PCGF3: variants seen among roughly 807,000 people sequenced by gnomAD.
The protein encoded by PCGF3 is polycomb group RING finger protein 3.
In PCGF3, 7 loss-of-function variants were observed where a neutral mutation model predicts 33.1. That is an observed-to-expected ratio of 0.21 (90% CI 0.12 to 0.40). The LOEUF (loss-of-function observed/expected upper bound fraction) is 0.40. PCGF3 is among the 10% of genes least tolerant of loss of function. PCGF3 has a pLI of 1.00. For synonymous variants in PCGF3, 153 were observed against 121.3 expected (o/e 1.26, Z -1.72); for missense variants, 211 against 313.3 (o/e 0.67, Z 2.46).
exon 11 of PCGF3, chr4:769,030 A>ATT (rs1194060705): frequency 1.3e-5 from 2 of 152,602 alleles, no homozygotes; most frequent in Non-Finnish European, 2.9e-5. Context: ...TTTCATTGTT[A>ATT]TTATTGTGAG....
chr4:721,421 A>C lies in PCGF3; in HGVS notation c.-189-9209A>C, dbSNP rs1452874840. Among the ~76,000 whole-genome samples, 1 of 151,844 alleles carries C rather than the reference A, an allele frequency of 6.6e-6. No homozygotes were observed. The highest frequency in any genetic ancestry group is 1.5e-5 in the Non-Finnish European group (1 of 67,934). ...GCTCTTCCTCCTGGCAGAGCTCCCC[A>C]GAGGAAGGCTGGGCTGGGCAGTCAG... On this transcript the variant is annotated intron_variant, in intron 1 of 10. Transcript: ENST00000362003. The surrounding 1 kb of genome is among the most constrained non-coding windows in gnomAD (Gnocchi z 4.1).
At chr4:761,872 G>A in intron 9 of PCGF3, 3 of 985,446 alleles carry the variant, frequency 3.0e-6, no homozygotes, top group Non-Finnish European at 3.6e-6. Context: ...CCCCAAGGCA[G>A]TGACACCATG....
chr4:725,618 G>A (rs10471243), intron 1 of PCGF3, among the ~76,000 whole-genome samples: 149 of 88,874 alleles, frequency 1.7e-3, no homozygotes, highest in African/African-American at 6.5e-3. Flanking sequence ...GGGCTGCCGA[G>A]GGCTGCTGTG....
chr4:762,074 C>G (rs1430165356), intron 9 of PCGF3: 10 of 985,208 alleles, frequency 1.0e-5, no homozygotes, highest in Admixed American at 1.2e-4. Context: ...GAGAAGTGGA[C>G]AGACTTGAGA....
intron 9 of PCGF3, chr4:764,667 C>T (rs1000431285): frequency 1.4e-5 from 4 of 279,976 alleles, no homozygotes; most frequent in African/African-American, 4.4e-5. Flanking sequence ...GGGATGGGAG[C>T]CCACCACTGC....
At chr4:763,816 A>G (rs1346698344) in intron 9 of PCGF3, among the ~76,000 whole-genome samples, 1 of 152,252 alleles carries the variant, frequency 6.6e-6, no homozygotes, top group Non-Finnish European at 1.5e-5. Flanking sequence ...GATGCCCTTC[A>G]GTAGATAAGT....
rs371908843 is a variant in PCGF3 at position 731,121 on chromosome 4, C to T, written c.-10+11C>T. On this transcript the variant is annotated intron_variant, in intron 3 of 10. Coordinates refer to ENST00000362003, the Ensembl canonical transcript of PCGF3. ...GGACGTCTAGCGGAGGTGAGGCCCA[C>T]GCCCCCCGACCCCGGGGGTCCTGCT... 33 of 398,570 alleles carry T rather than the reference C, an allele frequency of 8.3e-5. No homozygotes were observed. The South Asian group carries it at 3.2e-3, about 38-fold the overall frequency. The allele number at this position is 398,570 out of a possible 1,614,324, so 24.7% of individuals were successfully genotyped here.
intron 9 of PCGF3, chr4:761,623 T>C (rs2152621968): frequency 1.0e-6 from 1 of 973,034 alleles, no homozygotes; most frequent in Non-Finnish European, 1.2e-6. Context: ...GAACGTGGAA[T>C]GCTACTGTGA....
At chr4:763,406 C>A (rs560815028) in intron 9 of PCGF3, among the ~76,000 whole-genome samples, 1 of 152,064 alleles carries the variant, frequency 6.6e-6, no homozygotes, top group Admixed American at 6.5e-5. Flanking sequence ...CTGCGTTAAC[C>A]GTGCCTCTGA....
intron 9 of PCGF3, among the ~76,000 whole-genome samples, chr4:763,582 G>C (rs1002398398): frequency 6.6e-6 from 1 of 152,192 alleles, no homozygotes; most frequent in East Asian, 1.9e-4. Flanking sequence ...CAACACATTC[G>C]GGAAACGCCG....
intron 9 of PCGF3, among the ~76,000 whole-genome samples, chr4:763,534 C>T (rs182015608): frequency 1.1e-4 from 17 of 152,348 alleles, no homozygotes; most frequent in East Asian, 3.9e-4. Flanking sequence ...CGTGGCACCA[C>T]GCGTACCCCA....
chr4:748,288 C>T (rs1744358887), intron 8 of PCGF3, among the ~76,000 whole-genome samples: 1 of 152,118 alleles, frequency 6.6e-6, no homozygotes, highest in East Asian at 1.9e-4. Flanking sequence ...CAGCCTCTGC[C>T]TCCTGGGTTC....
At chr4:756,609 C>T (rs557287273) in intron 8 of PCGF3, among the ~76,000 whole-genome samples, 9 of 151,750 alleles carry the variant, frequency 5.9e-5, no homozygotes, top group South Asian at 4.2e-4. Flanking sequence ...TTTTTTTAAC[C>T]AGCTTTCTAA....
chr4:729,099 CAAAAAAAAAAAAA>C (rs34927260), intron 1 of PCGF3, among the ~76,000 whole-genome samples: 816 of 40,300 alleles, frequency 0.02, 9 homozygotes, highest in Middle Eastern at 0.048. Context: ...GACTCCATCT[CAAAAAAAAAAAAA>C]AAAAAAAAAA....
chr4:729,326 G>A (rs988127052), intron 1 of PCGF3, among the ~76,000 whole-genome samples: 4 of 151,180 alleles, frequency 2.6e-5, no homozygotes, highest in Non-Finnish European at 5.9e-5. Flanking sequence ...GAAGTGGGAG[G>A]ATTGCTCAAG....
intron 9 of PCGF3, chr4:762,304 G>A (rs907441808): frequency 2.3e-4 from 42 of 186,184 alleles, no homozygotes; most frequent in Non-Finnish European, 3.5e-4. Flanking sequence ...GCCCTGGTGA[G>A]GACAGAGCAG....
intron 8 of PCGF3, among the ~76,000 whole-genome samples, chr4:749,627 C>T (rs1171394685): frequency 6.6e-6 from 1 of 151,758 alleles, no homozygotes; most frequent in East Asian, 1.9e-4. Context: ...GCTGGGATTA[C>T]AGGCACACCC....
At position 737,528 on chromosome 4, in the gene PCGF3, G is replaced by A; in HGVS notation, c.262+7G>A. ...GTACCAGGCCTCCAAGAAGGTGAGT[G>A]TCTGACTGTCTTGCTGATCCCTGAG... On this transcript the variant is annotated splice_region_variant and intron_variant, in intron 6 of 10. Transcript: ENST00000362003. 1 of 1,566,290 alleles carries A rather than the reference G, an allele frequency of 6.4e-7. No homozygotes were observed. The highest frequency in any genetic ancestry group is 8.8e-7 in the Non-Finnish European group (1 of 1,136,482).
intron 1 of PCGF3, among the ~76,000 whole-genome samples, chr4:729,489 G>A (rs994928015): frequency 2.6e-5 from 4 of 152,118 alleles, no homozygotes; most frequent in Non-Finnish European, 5.9e-5. Flanking sequence ...GGTGCTCCAC[G>A]CCATGTGTGG....
Sources: allele counts gnomAD v4.1 joint callset (sites outside exome capture counted in the v4.1 genomes callset), GRCh38; gene constraint gnomAD v4.1.1; non-coding constraint Gnocchi (gnomAD v3.1); transcripts MANE v1.5; gene names NCBI Gene and HGNC (gene_info 2026-07-23, HGNC 2026-07-21).